Variants in TMEM135 observed in about 807,000 individuals in gnomAD.
TMEM135 encodes the protein peroxisomal membrane protein 52.
TMEM135 carries 30 observed loss-of-function variants against 60.3 expected under a neutral mutation model. The ratio of observed to expected loss-of-function variants is 0.50; its 90% confidence interval spans 0.37 to 0.68. TMEM135 has a LOEUF of 0.68. Among genes scored for constraint, TMEM135 ranks in the 30% least tolerant of loss-of-function variants. TMEM135 has a pLI of 0.00. For synonymous variants in TMEM135, 190 were observed against 186.7 expected (o/e 1.02, Z -0.14); for missense variants, 468 against 548.8 (o/e 0.85, Z 1.47).
intron 6 of TMEM135, among the ~76,000 whole-genome samples, chr11:87,281,499 A>G (rs1942059273): frequency 6.6e-6 from 1 of 152,238 alleles, no homozygotes; most frequent in African/African-American, 2.4e-5. Context: ...CTTAAAGTGA[A>G]AAAAGTTATT....
At chr11:87,203,061 A>T (rs1437451616) in intron 5 of TMEM135, among the ~76,000 whole-genome samples, 1 of 147,036 alleles carries the variant, frequency 6.8e-6, no homozygotes, top group Admixed American at 6.7e-5. Flanking sequence ...AAAAAAAAGC[A>T]GTTTTAGTTT....
intron 6 of TMEM135, among the ~76,000 whole-genome samples, chr11:87,274,880 G>C (rs1420079413): frequency 6.7e-6 from 1 of 148,560 alleles, no homozygotes; most frequent in Non-Finnish European, 1.5e-5. Context: ...TTATATATAT[G>C]TATTATATAT....
intron 5 of TMEM135, among the ~76,000 whole-genome samples, chr11:87,171,285 A>G (rs1198190474): frequency 6.6e-6 from 1 of 150,900 alleles, no homozygotes; most frequent in African/African-American, 2.4e-5. Context: ...CATTTTTGGT[A>G]CTCTTATCAC....
At chr11:87,223,502 G>T (rs692937) in intron 5 of TMEM135, among the ~76,000 whole-genome samples, 1 of 151,952 alleles carries the variant, frequency 6.6e-6, no homozygotes, top group Non-Finnish European at 1.5e-5. Context: ...ATCTGATTCA[G>T]AATTTAAGTG....
chr11:87,149,994 A>C (rs1938514514), intron 4 of TMEM135, among the ~76,000 whole-genome samples: 1 of 152,172 alleles, frequency 6.6e-6, no homozygotes, highest in African/African-American at 2.4e-5. Context: ...AAGCGGGTGG[A>C]TCACCTGAGG....
Position 87,324,202 on chromosome 11 carries a change from C to T in TMEM135, c.*2869C>T, listed in dbSNP as rs1423273489. 2.2e-6 allele frequency: 1 copy of T among 454,006 alleles called. No individual in the cohort carries two copies. The highest frequency in any genetic ancestry group is 7.0e-5 in the East Asian group (1 of 14,388). The allele number at this position is 454,006 out of a possible 1,614,324, so 28.1% of individuals were successfully genotyped here. A position where few individuals can be genotyped will look rare whatever the true frequency, so the allele number is the denominator to read the frequency against. ...TTCCTGCTTATATTTTATCATATCC[C>T]TGAGCTTCTGTGTGCTCTACATTTC... On this transcript the variant is annotated 3_prime_UTR_variant, in exon 15 of 15. Transcript: ENST00000305494.
intron 5 of TMEM135, among the ~76,000 whole-genome samples, chr11:87,229,423 A>G (rs1940839357): frequency 1.3e-5 from 2 of 152,174 alleles, no homozygotes; most frequent in African/African-American, 2.4e-5. Context: ...TCTTTCACCC[A>G]TCAGACTGGC....
At chr11:87,131,581 AG>A (rs1407506894) in intron 4 of TMEM135, among the ~76,000 whole-genome samples, 1 of 152,222 alleles carries the variant, frequency 6.6e-6, no homozygotes, top group Non-Finnish European at 1.5e-5. Flanking sequence ...TCTTCATGAG[AG>A]GATATACTGC....
At chr11:87,290,071 A>G (rs1330862414) in intron 6 of TMEM135, among the ~76,000 whole-genome samples, 2 of 152,226 alleles carry the variant, frequency 1.3e-5, no homozygotes, top group Non-Finnish European at 2.9e-5. Context: ...TTGCGAAGAA[A>G]TATTTTAAAG....
intron 6 of TMEM135, among the ~76,000 whole-genome samples, chr11:87,290,886 A>G (rs1220521133): frequency 2.0e-5 from 3 of 152,204 alleles, no homozygotes; most frequent in Admixed American, 6.5e-5. Context: ...ATTAAGTTGA[A>G]AAGTCTACAT....
intron 10 of TMEM135, among the ~76,000 whole-genome samples, chr11:87,310,492 G>GAGGT (rs1370214478): frequency 6.6e-6 from 1 of 151,794 alleles, no homozygotes; most frequent in Non-Finnish European, 1.5e-5. Flanking sequence ...GGGAGGGAGG[G>GAGGT]AGCAGGGCAA....
chr11:87,183,744 T>A (rs1939579918), intron 5 of TMEM135, among the ~76,000 whole-genome samples: 2 of 151,482 alleles, frequency 1.3e-5, no homozygotes, highest in South Asian at 4.2e-4. Flanking sequence ...TCACCTGAGG[T>A]CAGGAGTTCG....
rs1247585912 is a variant in TMEM135, at chr11:87,167,716, T to C, written c.462+10310T>C. On this transcript the variant is annotated intron_variant, in intron 5 of 14. Coordinates refer to ENST00000305494, the MANE Select transcript of TMEM135 (RefSeq NM_022918.4). ...GGTGCTGGATTTGGTCTGCCAGTAT[T>C]TTATTGAGGATTTTCGCATCGATGT... Among the ~76,000 whole-genome samples, 5 of 152,148 alleles carry C rather than the reference T, an allele frequency of 3.3e-5. No homozygotes were observed. The East Asian group carries it at 9.6e-4, about 29-fold the overall frequency.
chr11:87,083,275 T>C (rs1047578041), intron 3 of TMEM135, among the ~76,000 whole-genome samples: 12 of 152,182 alleles, frequency 7.9e-5, no homozygotes, highest in African/African-American at 2.9e-4. Flanking sequence ...GTAGGAAGCA[T>C]TGGTAACATC....
Position 87,304,293 on chromosome 11 carries a change from T to G in TMEM135, c.699-1643T>G, listed in dbSNP as rs138956110. Among the ~76,000 whole-genome samples, 984 of 152,172 alleles carry G rather than the reference T, an allele frequency of 6.5e-3. 16 individuals carry two copies. The highest frequency in any genetic ancestry group is 0.022 in the African/African-American group (914 of 41,520). On this transcript the variant is annotated intron_variant, in intron 8 of 14. Coordinates refer to ENST00000305494, the MANE Select transcript of TMEM135 (RefSeq NM_022918.4). ...GGCTGAGGTGGGAGGATTGCTTGAG[T>G]CTAGGAGTTCAAGGCTGCGGTGATC...
At chr11:87,110,981 G>A (rs151148192) in intron 4 of TMEM135, among the ~76,000 whole-genome samples, 2 of 152,306 alleles carry the variant, frequency 1.3e-5, no homozygotes, top group East Asian at 3.9e-4. Flanking sequence ...CCCTGCCATA[G>A]ATGCCTTATG....
chr11:87,106,893 A>T (rs1857610712), intron 4 of TMEM135, among the ~76,000 whole-genome samples: 1 of 152,160 alleles, frequency 6.6e-6, no homozygotes, highest in South Asian at 2.1e-4. Flanking sequence ...AGTCCTCAGG[A>T]AGCTTACAGT....
At chr11:87,155,616 A>T (rs542697) in intron 4 of TMEM135, among the ~76,000 whole-genome samples, 55,602 of 151,602 alleles carry the variant, frequency 0.37, 10,667 homozygotes, top group East Asian at 0.66. Flanking sequence ...ATGAAAGGAA[A>T]CCTCAAATCC....
At chr11:87,169,931 G>A (rs190271524) in intron 5 of TMEM135, among the ~76,000 whole-genome samples, 60 of 152,114 alleles carry the variant, frequency 3.9e-4, no homozygotes, top group African/African-American at 1.3e-3. Flanking sequence ...TCATTTTCAG[G>A]TACACCAATC....
Sources: gnomAD v4.1 joint callset for allele counts (sites outside exome capture counted in the v4.1 genomes callset) on GRCh38, gnomAD v4.1.1 for gene constraint, MANE v1.5 for transcripts, NCBI Gene and HGNC (gene_info 2026-07-23, HGNC 2026-07-21) for gene names.